The following CDH23 variants were observed in gnomAD, a reference collection of about 807,000 sequenced individuals.
CDH23 encodes cadherin-23.
A neutral mutation model predicts 317.1 loss-of-function variants in CDH23; 189 were observed. That is an observed-to-expected ratio of 0.60 (90% CI 0.53 to 0.67). The LOEUF (loss-of-function observed/expected upper bound fraction) is 0.67, where lower values mean the gene tolerates loss of function less well. Among genes scored for constraint, CDH23 ranks in the 30% least tolerant of loss-of-function variants. CDH23 has a pLI of 0.00. For missense variants in CDH23, 4,401 were observed against 4,592.4 expected (o/e 0.96, Z 1.20); for synonymous variants, 1,839 against 1,876.8 (o/e 0.98, Z 0.52).
chr10:71,814,075 A>G (rs1842038142), intron 69 of CDH23, among the ~76,000 whole-genome samples: 1 of 152,178 alleles, frequency 6.6e-6, no homozygotes, highest in African/African-American at 2.4e-5. Context: ...CTCATACAGG[A>G]GGACAACAGT....
intron 6 of CDH23, among the ~76,000 whole-genome samples, chr10:71,513,699 G>C (rs2092829425): frequency 7.2e-5 from 11 of 152,140 alleles, no homozygotes; most frequent in Admixed American, 5.9e-4. Flanking sequence ...ACTGGAGTCA[G>C]GACACCTGGG....
rs1437340097 is a variant in CDH23 at position 71,743,118 on chromosome 10, CTGTTG to C, written c.4845+1198_4845+1202del. ...GGCACAAGGTCACTTCTACCACAAT[CTGTTG>C]GCCAAAGCAAGTCACAAGGCCAGCC... On this transcript the variant is annotated intron_variant, in intron 38 of 69. Coordinates refer to ENST00000224721, the MANE Select transcript of CDH23 (RefSeq NM_022124.6). Among the ~76,000 whole-genome samples the C allele has an allele frequency of 1.1e-4, 16 of 152,338 alleles. No individual in the cohort carries two copies. The South Asian group carries it at 1.9e-3, about 18-fold the overall frequency.
rs140538480 is a variant in CDH23 at position 71,578,523 on chromosome 10, C to G, written c.832+531C>G. ...GGGGGAACATCAGCCCCCTTGCCGC[C>G]CAGCTGCCTTGGTTGAGCAGAATAG... On this transcript the variant is annotated intron_variant, in intron 9 of 69. Transcript: ENST00000224721. 2.0e-5 allele frequency among the ~76,000 whole-genome samples: 3 copies of G among 152,224 alleles called. No individual in the cohort carries two copies. In the East Asian group the frequency reaches 5.8e-4, roughly 29 times the overall value.
intron 3 of CDH23, among the ~76,000 whole-genome samples, chr10:71,495,463 A>G (rs759047705): frequency 6.6e-6 from 1 of 152,178 alleles, no homozygotes; most frequent in Non-Finnish European, 1.5e-5. Flanking sequence ...AGGGGTGGAC[A>G]GCAGGGGTAC....
At chr10:71,525,726 G>A (rs1329010375) in intron 6 of CDH23, among the ~76,000 whole-genome samples, 2 of 152,336 alleles carry the variant, frequency 1.3e-5, no homozygotes, top group Non-Finnish European at 2.9e-5. Context: ...GGACACCACA[G>A]AGGAGGGTTC....
chr10:71,695,846 T>A (rs951115519), intron 22 of CDH23, among the ~76,000 whole-genome samples: 9 of 152,184 alleles, frequency 5.9e-5, no homozygotes, highest in African/African-American at 1.9e-4. Context: ...CCCAGGACTC[T>A]GGCCACCCCC....
Position 71,812,167 on chromosome 10 carries a change from C to T in CDH23, c.9380+152C>T. 7 of 1,586,042 alleles carry T rather than the reference C, an allele frequency of 4.4e-6. No individual in the cohort carries two copies. In the South Asian group the frequency reaches 7.9e-5, roughly 18 times the overall value. On this transcript the variant is annotated intron_variant, in intron 66 of 69. Transcript: ENST00000224721. ...GGCCACCCTCCCTTCACCCTCCCTCCACCCTCAGAAACCACGTGGCTGACA... is the reference window on the plus strand; with the variant it reads ...GGCCACCCTCCCTTCACCCTCCCTCTACCCTCAGAAACCACGTGGCTGACA...
At chr10:71,792,510 G>A (rs1243243916) in intron 47 of CDH23, among the ~76,000 whole-genome samples, 2 of 151,882 alleles carry the variant, frequency 1.3e-5, no homozygotes, top group African/African-American at 4.8e-5. Flanking sequence ...ATATTGAAAG[G>A]CAAACAACAA....
intron 26 of CDH23, chr10:71,707,434 G>T: frequency 7.9e-7 from 1 of 1,258,418 alleles, no homozygotes. Flanking sequence ...CCTTCCTTGG[G>T]GACCTGTTGA....
chr10:71,580,681 G>A (rs563718210), intron 9 of CDH23, among the ~76,000 whole-genome samples: 5 of 152,332 alleles, frequency 3.3e-5, no homozygotes, highest in African/African-American at 1.2e-4. Flanking sequence ...TGAACAACAC[G>A]TGCAGGGTGG....
chr10:71,687,575 GC>G, intron 18 of CDH23, 71 bp from the exon 19 acceptor site: 1 of 1,385,972 alleles, frequency 7.2e-7, no homozygotes, highest in Non-Finnish European at 1.0e-6. Flanking sequence ...ACTCCTTGGT[GC>G]CCACCTTAGA....
At chr10:71,500,394 T>C (rs114389888) in intron 3 of CDH23, among the ~76,000 whole-genome samples, 1,586 of 152,342 alleles carry the variant, frequency 0.01, 24 homozygotes, top group African/African-American at 0.035. Context: ...GATTAGCCTG[T>C]CCCCATCAGT....
At chr10:71,642,095 A>AAACAAT (rs565616465) in intron 11 of CDH23, among the ~76,000 whole-genome samples, 2 of 150,484 alleles carry the variant, frequency 1.3e-5, no homozygotes, top group African/African-American at 4.9e-5. Context: ...GCTTCCATCT[A>AAACAAT]AATAATAATA....
chr10:71,694,072 GCT>G, intron 20 of CDH23, 73 bp from the exon 21 acceptor site: 1 of 1,145,742 alleles, frequency 8.7e-7, no homozygotes. Context: ...TCCTTCCCTC[GCT>G]CTCTCTCTTC....
chr10:71,507,734 T>A (rs1853724035), intron 3 of CDH23, among the ~76,000 whole-genome samples: 1 of 152,234 alleles, frequency 6.6e-6, no homozygotes, highest in Non-Finnish European at 1.5e-5. Flanking sequence ...CTGCTCCCAA[T>A]GTCTTCCTGT....
At chr10:71,413,682 TC>T (rs1324533998) in intron 1 of CDH23, among the ~76,000 whole-genome samples, 2 of 152,148 alleles carry the variant, frequency 1.3e-5, no homozygotes, top group Non-Finnish European at 2.9e-5. Context: ...ATTTATGTCT[TC>T]TTTACTTTCT....
chr10:71,677,531 C>G lies in CDH23; in HGVS notation c.1590C>G (p.Thr530=), dbSNP rs758397920. 8.7e-6 allele frequency: 14 copies of G among 1,612,128 alleles called. No homozygotes were observed. The highest frequency in any genetic ancestry group is 1.1e-5 in the Non-Finnish European group (13 of 1,179,432). The change falls in exon 16 of 70, where the codon ACC becomes ACG. Residue 530 remains threonine (T), a synonymous_variant. Transcript: ENST00000224721. ...RLDYELIQRF[T]LTIIARDGGG... ...ACTATGAGCTCATCCAGCGCTTCACCCTGACGATCATTGCCCGGGACGGGG... is the reference window on the plus strand; with the variant it reads ...ACTATGAGCTCATCCAGCGCTTCACGCTGACGATCATTGCCCGGGACGGGG...
chr10:71,622,385 A>G (rs746510959), intron 11 of CDH23, among the ~76,000 whole-genome samples: 17 of 152,034 alleles, frequency 1.1e-4, no homozygotes, highest in Non-Finnish European at 2.1e-4. Context: ...TCCCTTCTGC[A>G]TGGGGACAGT....
At position 71,777,232 on chromosome 10, in the gene CDH23, C is replaced by A. The variant is rs139440132; in HGVS notation, c.4846-448C>A. Among the ~76,000 whole-genome samples, 511 of 152,306 alleles carry A rather than the reference C, an allele frequency of 3.4e-3. 3 individuals carry two copies. The highest frequency in any genetic ancestry group is 0.012 in the African/African-American group (480 of 41,558). On this transcript the variant is annotated intron_variant, in intron 38 of 69. Transcript: ENST00000224721. ...ATGAAGGTTAAATATGGCATTGGGCCGAGTGCCTCACATTCTTGCCTCTTG... is the reference window on the plus strand; with the variant it reads ...ATGAAGGTTAAATATGGCATTGGGCAGAGTGCCTCACATTCTTGCCTCTTG...
Sources: gnomAD v4.1 joint callset for allele counts (sites outside exome capture counted in the v4.1 genomes callset) on GRCh38, gnomAD v4.1.1 for gene constraint, MANE v1.5 for transcripts, NCBI Gene and HGNC (gene_info 2026-07-23, HGNC 2026-07-21) for gene names.